ASB3: variants seen among roughly 807,000 people sequenced by gnomAD.
ASB3 encodes the protein ankyrin repeat and SOCS box protein 3.
Under a neutral mutation model 54.5 loss-of-function variants are expected in ASB3, and 41 were observed. The ratio of observed to expected loss-of-function variants is 0.75; its 90% CI spans 0.59 to 0.98. The LOEUF (loss-of-function observed/expected upper bound fraction) is 0.98. Among genes scored for constraint, ASB3 ranks in the 50% least tolerant of loss-of-function variants. The pLI is 0.00. For missense variants in ASB3, 733 were observed against 620.0 expected, an observed-to-expected ratio of 1.18 and a Z score of -1.94; for synonymous variants, 266 against 221.2, an observed-to-expected ratio of 1.20 and a Z score of -1.80.
chr2:53,720,899 T>C lies in ASB3; in HGVS notation c.605-4156A>G, dbSNP rs139687218. ...GTGAGGCCGAGATGGGCAGATCACT[T>C]GAAGGTCAGGAGTTTGAGACCAAAT... On this transcript the variant is annotated intron_variant, in intron 5 of 9. Coordinates refer to ENST00000263634, the MANE Select transcript of ASB3 (RefSeq NM_016115.5). Among the ~76,000 whole-genome samples, 95 of 152,122 alleles carry C rather than the reference T, an allele frequency of 6.2e-4. No homozygotes were observed. In the East Asian group the frequency reaches 0.014, roughly 23 times the overall value.
chr2:53,714,836 A>G (rs1670298765), intron 6 of ASB3, among the ~76,000 whole-genome samples: 1 of 152,190 alleles, frequency 6.6e-6, no homozygotes, highest in South Asian at 2.1e-4. Flanking sequence ...CTATATGTAA[A>G]CAGAAAAGGT....
intron 1 of ASB3, among the ~76,000 whole-genome samples, chr2:53,778,758 C>CA (rs1674491306): frequency 6.6e-6 from 1 of 152,292 alleles, no homozygotes; most frequent in East Asian, 1.9e-4. Context: ...TACGTATGTA[C>CA]ACCAGATTTT....
chr2:53,700,160 A>G, intron 8 of ASB3, 111 bp downstream of exon 8: 1 of 1,487,554 alleles, frequency 6.7e-7, no homozygotes. Flanking sequence ...TTCAGCCATC[A>G]CAGTCAAAAC....
intron 7 of ASB3, among the ~76,000 whole-genome samples, chr2:53,701,996 CA>C (rs562132371): frequency 5.9e-4 from 90 of 152,196 alleles, no homozygotes; most frequent in Non-Finnish European, 1.1e-3. Flanking sequence ...GAAACATATT[CA>C]ATATTATTTA....
At chr2:53,725,353 T>G (rs890167632) in intron 5 of ASB3, among the ~76,000 whole-genome samples, 2 of 152,186 alleles carry the variant, frequency 1.3e-5, no homozygotes, top group Non-Finnish European at 2.9e-5. Context: ...ACTGTCTAAG[T>G]GATGAGGTCA....
intron 3 of ASB3, among the ~76,000 whole-genome samples, chr2:53,730,258 T>C (rs1249268119): frequency 2.0e-5 from 3 of 152,192 alleles, no homozygotes; most frequent in African/African-American, 7.2e-5. Context: ...AAGTGCTTTA[T>C]AAAATAAGTA....
intron 5 of ASB3, among the ~76,000 whole-genome samples, chr2:53,725,680 A>C (rs1670956196): frequency 6.6e-6 from 1 of 152,208 alleles, no homozygotes; most frequent in South Asian, 2.1e-4. Context: ...ATCATCATCA[A>C]GACGGAAAAG....
chr2:53,681,889 G>A (rs1321378162), intron 9 of ASB3, among the ~76,000 whole-genome samples: 2 of 152,230 alleles, frequency 1.3e-5, no homozygotes, highest in East Asian at 1.9e-4. Context: ...GCTGGGCGCG[G>A]TGGCTCATGC....
intron 5 of ASB3, among the ~76,000 whole-genome samples, chr2:53,717,622 T>G (rs1353526723): frequency 6.6e-6 from 1 of 152,118 alleles, no homozygotes; most frequent in Non-Finnish European, 1.5e-5. Context: ...GAATTTTGGA[T>G]TTGTGAAAAA....
intron 1 of ASB3, among the ~76,000 whole-genome samples, chr2:53,778,128 A>T (rs2104201786): frequency 6.8e-6 from 1 of 148,078 alleles, no homozygotes; most frequent in East Asian, 2.0e-4. Flanking sequence ...CAGCCTGCGC[A>T]ACAGAGCAGG....
At chr2:53,771,977 A>C (rs779425363) in intron 1 of ASB3, 5 of 1,172,716 alleles carry the variant, frequency 4.3e-6, no homozygotes, top group Non-Finnish European at 6.0e-6. Flanking sequence ...TATAATTTTA[A>C]TTTTATAAAA....
Position 53,670,359 on chromosome 2 carries a change from C to A in ASB3, c.*144G>T. The A allele has an allele frequency of 3.9e-5, 16 of 407,134 alleles. No individual in the cohort carries two copies. The highest frequency in any genetic ancestry group is 1.6e-4 in the East Asian group (2 of 12,326). 25.2% of individuals were successfully genotyped at this position (407,134 alleles called of 1,614,324 possible). On this transcript the variant is annotated 3_prime_UTR_variant, in exon 10 of 10. Transcript: ENST00000263634. ...TGTAAACATAAACATTCTCACTGAA[C>A]TACTGGCCCCCCAAAACCTAACCTA... is the stretch of plus-strand genomic sequence containing the variant.
intron 7 of ASB3, among the ~76,000 whole-genome samples, chr2:53,712,954 C>T (rs551019867): frequency 6.6e-6 from 1 of 152,270 alleles, no homozygotes; most frequent in Non-Finnish European, 1.5e-5. Flanking sequence ...ACGGGGTACA[C>T]AAGAAAATCC....
At chr2:53,718,286 G>A (rs370056906) in intron 5 of ASB3, among the ~76,000 whole-genome samples, 3 of 151,814 alleles carry the variant, frequency 2.0e-5, no homozygotes, top group African/African-American at 7.3e-5. Flanking sequence ...AGAGAAAAAC[G>A]TCAGATCACA....
chr2:53,718,680 T>C (rs1008450481), intron 5 of ASB3, among the ~76,000 whole-genome samples: 3 of 151,812 alleles, frequency 2.0e-5, no homozygotes, highest in Non-Finnish European at 2.9e-5. Context: ...TAACCTTGAA[T>C]GTAAAGGGTC....
chr2:53,782,152 G>A (rs138018180), intron 1 of ASB3, among the ~76,000 whole-genome samples: 60 of 152,240 alleles, frequency 3.9e-4, no homozygotes, highest in Middle Eastern at 3.4e-3. Context: ...ACTCTAGCCC[G>A]GGTGACAAAG....
intron 7 of ASB3, 127 bp from the exon 8 acceptor site, chr2:53,700,655 T>C (rs758660344): frequency 3.2e-5 from 42 of 1,309,978 alleles, no homozygotes; most frequent in Non-Finnish European, 4.1e-5. Context: ...GGATGGTTTC[T>C]ACACATCTAG....
At chr2:53,762,564 C>G (rs570945077) in intron 2 of ASB3, among the ~76,000 whole-genome samples, 49 of 152,196 alleles carry the variant, frequency 3.2e-4, no homozygotes, top group Admixed American at 1.3e-3. Flanking sequence ...CATTTATTAG[C>G]CAAATAAAAG....
intron 7 of ASB3, among the ~76,000 whole-genome samples, chr2:53,706,502 G>C (rs1425475839): frequency 6.6e-6 from 1 of 151,940 alleles, no homozygotes; most frequent in Non-Finnish European, 1.5e-5. Context: ...GTGGAGTGCA[G>C]TGGCGTGATC....
Sources: allele counts gnomAD v4.1 joint callset (sites outside exome capture counted in the v4.1 genomes callset), GRCh38; gene constraint gnomAD v4.1.1; transcripts MANE v1.5; gene names NCBI Gene and HGNC (gene_info 2026-07-23, HGNC 2026-07-21).